The following RYR3 variants were observed in gnomAD, a reference collection of about 807,000 sequenced individuals.
The protein encoded by RYR3 is brain ryanodine receptor-calcium release channel.
In RYR3, 207 loss-of-function variants were observed where a neutral mutation model predicts 584.3. That is an observed-to-expected ratio of 0.35 (90% CI 0.32 to 0.40). RYR3 has a LOEUF of 0.40. Ranked by LOEUF, RYR3 falls within the 10% of genes least tolerant of loss-of-function variation. The pLI is 1.00. For synonymous variants in RYR3, 2,416 were observed against 2,248.5 expected (o/e 1.07, Z -2.11); for missense variants, 5,616 against 6,089.2 (o/e 0.92, Z 2.59).
chr15:33,585,455 A>G (rs1248563424), intron 15 of RYR3, among the ~76,000 whole-genome samples: 1 of 152,100 alleles, frequency 6.6e-6, no homozygotes, highest in African/African-American at 2.4e-5. Flanking sequence ...CAGTGTGCCA[A>G]AAAAAAGGGG....
chr15:33,587,681 G>C (rs577549600), intron 16 of RYR3, among the ~76,000 whole-genome samples: 1 of 152,194 alleles, frequency 6.6e-6, no homozygotes, highest in African/African-American at 2.4e-5. Context: ...TGTGATCTTG[G>C]TACATAAGAG....
rs767046949 is a variant in RYR3 at position 33,821,327 on chromosome 15, G to A, written c.10873G>A (p.Gly3625Ser). The A allele has an allele frequency of 6.2e-7, 1 of 1,605,002 alleles. No homozygotes were observed. Among genetic ancestry groups the A allele is most frequent in the Non-Finnish European group, 8.5e-7 (1 of 1,175,846 alleles). ...TCAGCAAGCTCGGCTGCATGAGCGT[G>A]GTGCTGCAGAGATGGTCCTTCAGAT... is the stretch of plus-strand genomic sequence containing the variant. Reference protein sequence around the residue: ...LYQQARLHERGAAEMVLQMIS... With the variant: ...LYQQARLHERSAAEMVLQMIS... The change falls in exon 79 of 104, where the codon GGT becomes AGT. Residue 3625 changes from glycine to serine, a missense_variant. Physicochemically the swap from Gly to Ser is moderately conservative, Grantham distance 56. Around this residue, in one of 9 missense-constraint regions of RYR3, gnomAD observed 954 missense variants for 1,132.2 expected, o/e 0.84. Transcript: ENST00000634891.
intron 8 of RYR3, among the ~76,000 whole-genome samples, chr15:33,545,853 A>C (rs866008065): frequency 6.6e-6 from 1 of 152,188 alleles, no homozygotes; most frequent in African/African-American, 2.4e-5. Context: ...AATCGTTTTC[A>C]GTCCCTGTAA....
chr15:33,370,552 T>C (rs1383757284), intron 1 of RYR3, among the ~76,000 whole-genome samples: 1 of 152,200 alleles, frequency 6.6e-6, no homozygotes, highest in East Asian at 1.9e-4. Context: ...TTCATGTAGG[T>C]AATCACTTTT....
At chr15:33,510,108 G>A (rs1396047895) in intron 3 of RYR3, among the ~76,000 whole-genome samples, 1 of 152,176 alleles carries the variant, frequency 6.6e-6, no homozygotes, top group Non-Finnish European at 1.5e-5. Context: ...GTCGAAACCT[G>A]CGCTTTAAAA....
intron 1 of RYR3, among the ~76,000 whole-genome samples, chr15:33,330,983 C>G (rs970883875): frequency 2.6e-5 from 4 of 152,118 alleles, no homozygotes; most frequent in African/African-American, 9.7e-5. Flanking sequence ...CAGAGGATCT[C>G]CCCCTGTAGC....
intron 78 of RYR3, 60 bp from the exon 79 acceptor site, chr15:33,821,210 G>A (rs1231272351): frequency 1.2e-5 from 16 of 1,363,618 alleles, no homozygotes; most frequent in Non-Finnish European, 1.6e-5. Context: ...CCTCACTATG[G>A]GTGAACTCCC....
chr15:33,750,075 C>T (rs368635479), intron 56 of RYR3, 21 bp downstream of exon 56: 2 of 1,609,616 alleles, frequency 1.2e-6, no homozygotes, highest in Admixed American at 3.4e-5. Context: ...TTCACAGCAT[C>T]CCCTAAAGAA....
intron 27 of RYR3, among the ~76,000 whole-genome samples, chr15:33,643,633 A>C (rs1178291688): frequency 6.6e-6 from 1 of 151,802 alleles, no homozygotes; most frequent in African/African-American, 2.4e-5. Context: ...CTAGCATTTA[A>C]AACTTCTTAG....
In RYR3 at chr15:33,631,201, G is replaced by A. The variant is rs2061248068; in HGVS notation, c.2784-9G>A. 1 of 1,547,322 alleles carries A rather than the reference G, an allele frequency of 6.5e-7. No individual in the cohort carries two copies. Among genetic ancestry groups the A allele is most frequent in the Non-Finnish European group, 8.8e-7 (1 of 1,135,264 alleles). ...TTAACCTTAGTCTTCTCCTTCTGTT[G>A]TGTCACAGAACCCTCTTGGCCCTGG... On this transcript the variant is annotated splice_polypyrimidine_tract_variant and intron_variant, in intron 22 of 103. Coordinates refer to ENST00000634891, the MANE Select transcript of RYR3 (RefSeq NM_001036.6).
At chr15:33,613,443 C>CGAA in intron 19 of RYR3, 68 bp downstream of exon 19, 1 of 1,468,108 alleles carries the variant, frequency 6.8e-7, no homozygotes. Context: ...CTGTGAGCTG[C>CGAA]GAAGCCAGCA....
intron 1 of RYR3, among the ~76,000 whole-genome samples, chr15:33,379,685 C>CTATATATA (rs1234432644): frequency 3.8e-4 from 45 of 117,862 alleles, no homozygotes; most frequent in South Asian, 7.6e-4. Context: ...CTCTCTCTCT[C>CTATATATA]TCTATATATA....
At chr15:33,695,792 A>AT (rs905893354) in intron 38 of RYR3, among the ~76,000 whole-genome samples, 49 of 148,438 alleles carry the variant, frequency 3.3e-4, no homozygotes, top group East Asian at 2.2e-3. Flanking sequence ...CAAAAAAAAA[A>AT]TTTTTTTTTT....
chr15:33,633,712 A>T (rs1301772339), intron 24 of RYR3, among the ~76,000 whole-genome samples: 1 of 152,204 alleles, frequency 6.6e-6, no homozygotes, highest in Non-Finnish European at 1.5e-5. Context: ...GAGGTTCAAA[A>T]CAGCATGTTA....
intron 1 of RYR3, among the ~76,000 whole-genome samples, chr15:33,322,879 C>A (rs1386216770): frequency 6.6e-6 from 1 of 151,604 alleles, no homozygotes; most frequent in Non-Finnish European, 1.5e-5. Context: ...TCTTGTCTAC[C>A]TTATTGTAAG....
chr15:33,818,148 A>G (rs545829285), intron 75 of RYR3, among the ~76,000 whole-genome samples: 7 of 152,134 alleles, frequency 4.6e-5, no homozygotes, highest in African/African-American at 1.4e-4. Context: ...CCCCACCTCC[A>G]TGTCCAGCCC....
chr15:33,852,980 G>A lies in RYR3; in HGVS notation c.13629-65G>A, dbSNP rs151139808. The A allele has an allele frequency of 1.0e-4, 140 of 1,404,594 alleles. No individual in the cohort carries two copies. The African/African-American group carries it at 1.7e-3, about 17-fold the overall frequency. 87.0% of individuals were successfully genotyped at this position (1,404,594 alleles called of 1,614,324 possible). ...CAGATCCAGGCACTCAAACTGAAAC[G>A]TTTCTTGATGTGTTTTCCTTGATGT... On this transcript the variant is annotated intron_variant, in intron 94 of 103. Coordinates refer to ENST00000634891, the MANE Select transcript of RYR3 (RefSeq NM_001036.6).
intron 14 of RYR3, 116 bp from the exon 15 acceptor site, chr15:33,584,279 T>C (rs2058733784): frequency 1.7e-6 from 1 of 594,546 alleles, no homozygotes. Flanking sequence ...TAGGGTGAGA[T>C]TGGCATTCAG....
At chr15:33,667,350 G>A (rs1425200885) in intron 36 of RYR3, among the ~76,000 whole-genome samples, 1 of 152,228 alleles carries the variant, frequency 6.6e-6, no homozygotes, top group Admixed American at 6.5e-5. Context: ...AGGAACCTGA[G>A]TGGAAAATGA....
Sources: allele counts gnomAD v4.1 joint callset (sites outside exome capture counted in the v4.1 genomes callset), GRCh38; gene constraint gnomAD v4.1.1; regional missense constraint gnomAD v4.1.1; transcripts MANE v1.5; gene names NCBI Gene and HGNC (gene_info 2026-07-23, HGNC 2026-07-21).